DISP3: variants seen among roughly 807,000 people sequenced by gnomAD.
DISP3 encodes the protein protein dispatched homolog 3.
A neutral mutation model predicts 135.3 loss-of-function variants in DISP3; 101 were observed. That is an observed-to-expected ratio of 0.75 (90% CI 0.64 to 0.88). The LOEUF is 0.88. DISP3 is among the 40% of genes least tolerant of loss of function. DISP3 has a pLI of 0.00. For synonymous variants in DISP3, 856 were observed against 817.0 expected (o/e 1.05, Z -0.81); for missense variants, 1,713 against 1,878.6 (o/e 0.91, Z 1.63).
intron 1 of DISP3, among the ~76,000 whole-genome samples, chr1:11,482,400 C>A (rs1219571533): frequency 1.3e-5 from 2 of 152,192 alleles, no homozygotes; most frequent in Admixed American, 6.5e-5. Flanking sequence ...ATGGCCATCA[C>A]CACCATGTGG....
intron 3 of DISP3, among the ~76,000 whole-genome samples, chr1:11,513,022 C>T (rs1641902328): frequency 6.6e-6 from 1 of 152,124 alleles, no homozygotes; most frequent in South Asian, 2.1e-4. Flanking sequence ...TCAATTACCT[C>T]CCCCTGGGTC....
chr1:11,522,926 A>ACCCAGCCAGGG (rs1557615754), intron 10 of DISP3, among the ~76,000 whole-genome samples: 1 of 15,332 alleles, frequency 6.5e-5, no homozygotes, highest in African/African-American at 2.7e-4. Context: ...CCCAGCAAGG[A>ACCCAGCCAGGG]CCCAGCCAGG....
chr1:11,504,684 C>T (rs557301219), intron 3 of DISP3, among the ~76,000 whole-genome samples: 1 of 152,264 alleles, frequency 6.6e-6, no homozygotes, highest in South Asian at 2.1e-4. Context: ...AAGCGAGGTT[C>T]CTCCTCTTTT....
chr1:11,501,173 T>C lies in DISP3; in HGVS notation c.181T>C (p.Trp61Arg), dbSNP rs1438161231. 6.2e-7 allele frequency: 1 copy of C among 1,613,918 alleles called. No individual in the cohort carries two copies. The highest frequency in any genetic ancestry group is 8.5e-7 in the Non-Finnish European group (1 of 1,179,974). ...TTCCCGACCCCCAGCTTCGGGCTTC[T>C]GGAGTACCCTGGGCTGGGCCTTCAC... The part of the protein sequence containing the change: ...LASRPPASGF[W>R]STLGWAFTNP... The change falls in exon 2 of 21, where the codon TGG (tryptophan) becomes CGG (arginine). Residue 61 changes from tryptophan to arginine, a missense_variant. Physicochemically the swap from Trp to Arg is moderately radical, Grantham distance 101 (BLOSUM62 -3). Coordinates refer to ENST00000294484, the MANE Select transcript of DISP3 (RefSeq NM_020780.2). This position sits in a 1 kb window ranked among gnomAD's most constrained non-coding sequence, Gnocchi z 4.9.
At position 11,536,432 on chromosome 1, in the gene DISP3, T is replaced by G. The variant is rs759743383; in HGVS notation, c.3925T>G (p.Phe1309Val). The G allele has an allele frequency of 6.2e-7, 1 of 1,613,474 alleles. No homozygotes were observed. The highest frequency in any genetic ancestry group is 1.7e-5 in the Admixed American group (1 of 60,034). Residue 1309 changes from phenylalanine to valine, a missense_variant, in exon 21 of 21, where the codon TTC (phenylalanine) becomes GTC (valine). Around this residue, in one of 2 missense-constraint regions of DISP3, gnomAD observed 1,142 missense variants for 1,384.6 expected, o/e 0.82. Coordinates refer to ENST00000294484, the MANE Select transcript of DISP3 (RefSeq NM_020780.2). The surrounding 1 kb of genome is among the most constrained non-coding windows in gnomAD (Gnocchi z 4.3). ...GGTCATCGCCACAGTGCCCCTCTTC[T>G]TCTGCATCATCGCCCCATTTGCCAA... is the stretch of plus-strand genomic sequence containing the variant. The part of the protein sequence containing the change: ...TTVIATVPLF[F>V]CIIAPFAKFG...
chr1:11,507,024 T>C (rs1164699455), intron 3 of DISP3, among the ~76,000 whole-genome samples: 1 of 152,166 alleles, frequency 6.6e-6, no homozygotes, highest in African/African-American at 2.4e-5. Flanking sequence ...CCCACACTGG[T>C]CTCAAACTCC....
At chr1:11,522,766 G>A in intron 10 of DISP3, among the ~76,000 whole-genome samples, 1 of 139,842 alleles carries the variant, frequency 7.2e-6, no homozygotes, top group African/African-American at 2.8e-5. Flanking sequence ...CCAGGACCCA[G>A]CCAGGACCCA....
chr1:11,479,591 C>T (rs896373054), intron 1 of DISP3, among the ~76,000 whole-genome samples: 1 of 152,212 alleles, frequency 6.6e-6, no homozygotes, highest in African/African-American at 2.4e-5. Context: ...CCTCTACGAC[C>T]GGGCCCCAGC....
At chr1:11,487,665 T>A (rs1570055174) in intron 1 of DISP3, among the ~76,000 whole-genome samples, 1 of 152,214 alleles carries the variant, frequency 6.6e-6, no homozygotes, top group Non-Finnish European at 1.5e-5. Context: ...CCTGGAGTAA[T>A]GAGGGGCCCA....
At position 11,531,636 on chromosome 1, in the gene DISP3, C is replaced by T; in HGVS notation, c.3301C>T (p.Pro1101Ser). The change falls in exon 17 of 21, where the codon CCG (proline) becomes TCG (serine). Residue 1101 changes from proline to serine, a missense_variant. Physicochemically the swap from Pro to Ser is moderately conservative, Grantham distance 74. Transcript: ENST00000294484. This position sits in a 1 kb window ranked among gnomAD's most constrained non-coding sequence, Gnocchi z 5.2. The stretch of plus-strand genomic sequence containing the variant: ...GGAGCTGCCCGAGCCCAACCTGCTC[C>T]CGGGGCAGCTGTCCCACGGGGCAGT... Reference protein sequence around the residue: ...CKELPEPNLLPGQLSHGAVGV... With the variant: ...CKELPEPNLLSGQLSHGAVGV... 1 of 1,613,452 alleles carries T rather than the reference C, an allele frequency of 6.2e-7. No individual in the cohort carries two copies. The highest frequency in any genetic ancestry group is 1.7e-5 in the Admixed American group (1 of 60,010).
intron 3 of DISP3, among the ~76,000 whole-genome samples, chr1:11,513,158 A>G (rs1011531410): frequency 2.0e-5 from 3 of 152,128 alleles, no homozygotes; most frequent in Non-Finnish European, 2.9e-5. Context: ...GGTGGCATGC[A>G]TCTGTAGTCT....
At chr1:11,533,076 T>C (rs373963751) in intron 17 of DISP3, among the ~76,000 whole-genome samples, 102 of 151,916 alleles carry the variant, frequency 6.7e-4, no homozygotes, top group African/African-American at 2.4e-3. Flanking sequence ...ATTACCATCA[T>C]CTACTTGCAG....
chr1:11,509,735 T>G (rs1036569216), intron 3 of DISP3, among the ~76,000 whole-genome samples: 10 of 152,204 alleles, frequency 6.6e-5, no homozygotes, highest in African/African-American at 2.4e-4. Context: ...TGGTATATCA[T>G]TTTCTATCCC....
Position 11,531,650 on chromosome 1 carries a change from C to G in DISP3, c.3315C>G (p.Ser1105=). Residue 1105 remains serine, a synonymous_variant, in exon 17 of 21, where the codon TCC becomes TCG. Coordinates refer to ENST00000294484, the MANE Select transcript of DISP3 (RefSeq NM_020780.2). The surrounding 1 kb of genome is among the most constrained non-coding windows in gnomAD (Gnocchi z 5.2). ...CCAACCTGCTCCCGGGGCAGCTGTC[C>G]CACGGGGCAGTGGGCGTCAGGGAGG... ...PEPNLLPGQL[S]HGAVGVREGR... The G allele has an allele frequency of 6.2e-7, 1 of 1,613,192 alleles. No individual in the cohort carries two copies. Among genetic ancestry groups the G allele is most frequent in the African/African-American group, 1.3e-5 (1 of 75,050 alleles).
intron 11 of DISP3, 35 bp from the exon 12 acceptor site, chr1:11,525,141 A>G (rs1374063237): frequency 6.2e-7 from 1 of 1,609,192 alleles, no homozygotes; most frequent in Non-Finnish European, 8.5e-7. Context: ...GTCGAGGTCA[A>G]GTCCACCCCT....
chr1:11,501,201 A>G lies in DISP3; in HGVS notation c.209A>G (p.Asn70Ser), dbSNP rs781386158. ...AGTACCCTGGGCTGGGCCTTCACCA[A>G]TCCGTGCTGTGCTGGGCTGGTGCTC... ...FWSTLGWAFT[N>S]PCCAGLVLFL... The change falls in exon 2 of 21, where the codon AAT becomes AGT. Residue 70 changes from asparagine (N) to serine (S), a missense_variant. Coordinates refer to ENST00000294484, the MANE Select transcript of DISP3 (RefSeq NM_020780.2). This position sits in a 1 kb window ranked among gnomAD's most constrained non-coding sequence, Gnocchi z 4.9. The G allele has an allele frequency of 1.9e-6, 3 of 1,613,956 alleles. No homozygotes were observed. The South Asian group carries it at 3.3e-5, about 18-fold the overall frequency.
intron 1 of DISP3, among the ~76,000 whole-genome samples, chr1:11,486,685 A>ATTT (rs542549075): frequency 6.9e-6 from 1 of 145,816 alleles, no homozygotes; most frequent in Non-Finnish European, 1.5e-5. Flanking sequence ...TAAGATTAAG[A>ATTT]TTTTTTTTTT....
At chr1:11,480,710 C>CAT (rs1640878825) in intron 1 of DISP3, among the ~76,000 whole-genome samples, 1 of 149,828 alleles carries the variant, frequency 6.7e-6, no homozygotes, top group Admixed American at 6.6e-5. Flanking sequence ...CACACACACA[C>CAT]ACACTGTCCT....
chr1:11,512,634 T>C (rs1376856140), intron 3 of DISP3, among the ~76,000 whole-genome samples: 1 of 152,232 alleles, frequency 6.6e-6, no homozygotes, highest in Non-Finnish European at 1.5e-5. Flanking sequence ...CACATTTTCC[T>C]GTCTTCTTTT....
Sources: gnomAD v4.1 joint callset for allele counts (sites outside exome capture counted in the v4.1 genomes callset) on GRCh38, gnomAD v4.1.1 for gene constraint, gnomAD v4.1.1 regional missense constraint, Gnocchi (gnomAD v3.1) non-coding constraint, MANE v1.5 for transcripts, NCBI Gene and HGNC (gene_info 2026-07-23, HGNC 2026-07-21) for gene names.